GRIA1: variants seen among roughly 807,000 people sequenced by gnomAD.
The protein encoded by GRIA1 is glutamate ionotropic receptor AMPA type subunit 1.
GRIA1 carries 31 observed loss-of-function variants against 99.2 expected under a neutral mutation model. That is an observed-to-expected ratio of 0.31 (90% confidence interval 0.23 to 0.42). The LOEUF is 0.42. Ranked by LOEUF, GRIA1 falls within the 10% of genes least tolerant of loss-of-function variation. GRIA1 has a pLI of 1.00. For synonymous variants in GRIA1, 438 were observed against 432.4 expected (o/e 1.01, Z -0.16); for missense variants, 782 against 1,157.5 (o/e 0.68, Z 4.71).
chr5:153,693,963 T>A (rs756760758), intron 8 of GRIA1, among the ~76,000 whole-genome samples: 2 of 152,240 alleles, frequency 1.3e-5, no homozygotes, highest in Non-Finnish European at 2.9e-5. Flanking sequence ...CTAGTTTACA[T>A]GAGGCATAGG....
At chr5:153,739,795 T>TATG (rs571433652) in intron 11 of GRIA1, among the ~76,000 whole-genome samples, 89 of 152,358 alleles carry the variant, frequency 5.8e-4, no homozygotes, top group African/African-American at 2.1e-3. Flanking sequence ...GAAGAAGATT[T>TATG]ATGATATCTC....
chr5:153,613,809 A>C (rs1175030932), intron 2 of GRIA1, among the ~76,000 whole-genome samples: 1 of 152,138 alleles, frequency 6.6e-6, no homozygotes, highest in Non-Finnish European at 1.5e-5. Context: ...AGTTTCAGAA[A>C]ATCAACAGGC....
At chr5:153,729,351 T>A (rs1008615691) in intron 11 of GRIA1, among the ~76,000 whole-genome samples, 2 of 151,876 alleles carry the variant, frequency 1.3e-5, no homozygotes, top group African/African-American at 4.8e-5. Context: ...AACCTGCACA[T>A]TGTGCACATG....
intron 2 of GRIA1, among the ~76,000 whole-genome samples, chr5:153,600,477 G>C (rs986081313): frequency 6.8e-6 from 1 of 147,242 alleles, no homozygotes. Flanking sequence ...CTCAAATCCA[G>C]AATTTATTTA....
intron 11 of GRIA1, among the ~76,000 whole-genome samples, chr5:153,763,960 C>T (rs956336706): frequency 6.6e-6 from 1 of 152,100 alleles, no homozygotes; most frequent in Non-Finnish European, 1.5e-5. Context: ...TTTTGGTGGC[C>T]TTTGCCAGCC....
At chr5:153,519,038 G>A (rs1035870633) in intron 2 of GRIA1, among the ~76,000 whole-genome samples, 2 of 152,168 alleles carry the variant, frequency 1.3e-5, no homozygotes, top group Admixed American at 6.5e-5. Context: ...GCCGAGGTGG[G>A]CAGATCACAA....
At chr5:153,559,051 C>G (rs1272821712) in intron 2 of GRIA1, among the ~76,000 whole-genome samples, 1 of 152,166 alleles carries the variant, frequency 6.6e-6, no homozygotes, top group African/African-American at 2.4e-5. Flanking sequence ...ACATTGCCAG[C>G]CTTCTTTCCC....
At chr5:153,762,368 A>C (rs1195477009) in intron 11 of GRIA1, among the ~76,000 whole-genome samples, 2 of 152,208 alleles carry the variant, frequency 1.3e-5, no homozygotes, top group East Asian at 3.8e-4. Context: ...GTGGTCATCC[A>C]GAGTTGGGAA....
At chr5:153,706,445 T>G (rs1034488013) in intron 11 of GRIA1, among the ~76,000 whole-genome samples, 3 of 152,150 alleles carry the variant, frequency 2.0e-5, no homozygotes, top group African/African-American at 7.2e-5. Flanking sequence ...TCTCATTGAG[T>G]CCTTACAGGA....
chr5:153,714,124 G>A (rs980223610), intron 11 of GRIA1, among the ~76,000 whole-genome samples: 7 of 152,148 alleles, frequency 4.6e-5, no homozygotes, highest in African/African-American at 4.8e-5. Flanking sequence ...GAAGTCAGCC[G>A]GGGGCTGTGG....
intron 2 of GRIA1, among the ~76,000 whole-genome samples, chr5:153,524,348 C>T (rs1757420573): frequency 6.6e-6 from 1 of 152,090 alleles, no homozygotes; most frequent in Admixed American, 6.6e-5. Context: ...GAATTCTTGG[C>T]ACAGAGTCTA....
At chr5:153,689,802 G>A (rs577584303) in intron 8 of GRIA1, among the ~76,000 whole-genome samples, 14 of 152,102 alleles carry the variant, frequency 9.2e-5, no homozygotes, top group Admixed American at 2.0e-4. Context: ...GCTGGACTTC[G>A]GCTTCCTCTG....
chr5:153,679,234 T>C (rs1035732006), intron 7 of GRIA1, among the ~76,000 whole-genome samples: 1 of 152,200 alleles, frequency 6.6e-6, no homozygotes, highest in Admixed American at 6.5e-5. Flanking sequence ...AAGGAACTCC[T>C]GGCAGTGTCT....
intron 11 of GRIA1, among the ~76,000 whole-genome samples, chr5:153,754,934 C>A (rs999817276): frequency 3.3e-5 from 5 of 152,144 alleles, no homozygotes; most frequent in Non-Finnish European, 7.3e-5. Context: ...GCTATGAGAG[C>A]TACATGAGGC....
intron 11 of GRIA1, among the ~76,000 whole-genome samples, chr5:153,730,158 G>T: frequency 6.6e-6 from 1 of 151,976 alleles, no homozygotes; most frequent in East Asian, 1.9e-4. Flanking sequence ...TTGTTAAAAT[G>T]CAGATTCTAG....
chr5:153,590,699 T>C (rs1763896300), intron 2 of GRIA1, among the ~76,000 whole-genome samples: 1 of 152,206 alleles, frequency 6.6e-6, no homozygotes, highest in South Asian at 2.1e-4. Context: ...AAAAAAAATT[T>C]GTGAAACAAG....
chr5:153,668,234 A>G (rs35743924), intron 5 of GRIA1, among the ~76,000 whole-genome samples: 9,502 of 151,676 alleles, frequency 0.063, 311 homozygotes, highest in Middle Eastern at 0.13. Context: ...CACTATTCCC[A>G]TCTCTGGGCC....
chr5:153,706,133 T>TTTGTTTGTTTGG (rs36003151), intron 11 of GRIA1, 66 bp downstream of exon 11: 2 of 1,476,166 alleles, frequency 1.4e-6, no homozygotes, highest in African/African-American at 2.8e-5. Context: ...TGTTTGTTTG[T>TTTGTTTGTTTGG]TTTTTAAATA....
At position 153,588,418 on chromosome 5, in the gene GRIA1, C is replaced by T. The variant is rs542675355; in HGVS notation, c.221-58510C>T. Among the ~76,000 whole-genome samples the T allele has an allele frequency of 2.2e-4, 33 of 152,300 alleles. No individual in the cohort carries two copies. In the South Asian group the frequency reaches 2.7e-3, roughly 12 times the overall value. ...TTTTTCTAGTGCCTGCAATGTAAGG[C>T]CTAAGCCCACTGGCATCAAAGACTT... On this transcript the variant is annotated intron_variant, in intron 2 of 15. Transcript: ENST00000285900.
Sources: allele counts gnomAD v4.1 joint callset (sites outside exome capture counted in the v4.1 genomes callset), GRCh38; gene constraint gnomAD v4.1.1; transcripts MANE v1.5; gene names NCBI Gene and HGNC (gene_info 2026-07-23, HGNC 2026-07-21).